IQSEC3: variants seen among roughly 807,000 people sequenced by gnomAD.
IQSEC3 encodes the protein IQ motif and Sec7 domain ArfGEF 3, also known as IQ motif and SEC7 domain-containing protein 3.
IQSEC3 carries 50 observed loss-of-function variants against 105.4 expected under a neutral mutation model. The observed-to-expected ratio is 0.47, with a 90% confidence interval of 0.38 to 0.60. IQSEC3 has a LOEUF of 0.60. Ranked by LOEUF, IQSEC3 falls within the 20% of genes least tolerant of loss-of-function variation. The pLI is 0.00. For missense variants in IQSEC3, 1,415 were observed against 1,630.0 expected, an observed-to-expected ratio of 0.87 and a Z score of 2.27; for synonymous variants, 708 against 746.0, an observed-to-expected ratio of 0.95 and a Z score of 0.83.
At chr12:112,491 C>T (rs192654801) in intron 2 of IQSEC3, among the ~76,000 whole-genome samples, 218 of 152,226 alleles carry the variant, frequency 1.4e-3, no homozygotes, top group Middle Eastern at 6.8e-3. Context: ...TGTCGTGTGA[C>T]CTAGAAGCTT....
In IQSEC3 at chr12:73,785, C is replaced by T. The variant is rs1183074891; in HGVS notation, c.554+6349C>T. On this transcript the variant is annotated intron_variant, in intron 1 of 13. Coordinates refer to ENST00000538872, the MANE Select transcript of IQSEC3 (RefSeq NM_001170738.2). The stretch of plus-strand genomic sequence containing the variant: ...GAATGCAGGCTCAGGGTTTCTTCTA[C>T]ACTGCCAGGCCACCTTTCTACATGT... Among the ~76,000 whole-genome samples the T allele has an allele frequency of 2.0e-5, 3 of 152,280 alleles. No homozygotes were observed. In the East Asian group the frequency reaches 5.8e-4, roughly 29 times the overall value.
chr12:135,044 C>G (rs932520483), intron 3 of IQSEC3, among the ~76,000 whole-genome samples: 1 of 152,146 alleles, frequency 6.6e-6, no homozygotes, highest in African/African-American at 2.4e-5. Flanking sequence ...GCAGGAGAAT[C>G]GCTTGAACCC....
At chr12:91,488 A>G (rs1864083760) in intron 1 of IQSEC3, among the ~76,000 whole-genome samples, 1 of 152,158 alleles carries the variant, frequency 6.6e-6, no homozygotes, top group Non-Finnish European at 1.5e-5. Context: ...TTTAAGAAAC[A>G]GGGAGGCCCA....
intron 5 of IQSEC3, among the ~76,000 whole-genome samples, chr12:153,749 G>A (rs1393663343): frequency 2.0e-5 from 3 of 152,090 alleles, no homozygotes; most frequent in Non-Finnish European, 4.4e-5. Flanking sequence ...AAGCAGCCCC[G>A]ATAGCCAGGT....
intron 8 of IQSEC3, among the ~76,000 whole-genome samples, chr12:162,599 C>T (rs1477535567): frequency 6.6e-6 from 1 of 152,202 alleles, no homozygotes; most frequent in Admixed American, 6.5e-5. Flanking sequence ...TCCTCCTCCT[C>T]ATATTCTTGC....
intron 2 of IQSEC3, 99 bp downstream of exon 2, chr12:99,313 G>A: frequency 9.2e-7 from 1 of 1,083,048 alleles, no homozygotes; most frequent in Non-Finnish European, 1.3e-6. Context: ...TCCTCCTCTT[G>A]AGTCTCATGT....
At chr12:137,248 G>A (rs537492663) in intron 3 of IQSEC3, among the ~76,000 whole-genome samples, 142 of 152,328 alleles carry the variant, frequency 9.3e-4, no homozygotes, top group African/African-American at 2.7e-3. Context: ...CCCTTCTGAT[G>A]TTCCCAGGGA....
At chr12:76,426 G>C (rs1485041360) in intron 1 of IQSEC3, among the ~76,000 whole-genome samples, 1 of 152,264 alleles carries the variant, frequency 6.6e-6, no homozygotes, top group Non-Finnish European at 1.5e-5. Flanking sequence ...GGGGGAGTTG[G>C]AGGACAACCC....
chr12:66,826 C>T lies in IQSEC3; in HGVS notation c.-57C>T. 7.5e-7 allele frequency: 1 copy of T among 1,331,834 alleles called. No individual in the cohort carries two copies. Among genetic ancestry groups the T allele is most frequent in the Non-Finnish European group, 9.5e-7 (1 of 1,047,350 alleles). 82.5% of individuals were successfully genotyped at this position (1,331,834 alleles called of 1,614,324 possible). A position where few individuals can be genotyped will look rare whatever the true frequency, so the allele number is the denominator to read the frequency against. ...CGCTGGGCTGCTGGGCTCCCGCGCC[C>T]TCGCGCTCCCCGCCGCCAGCCCAGG... On this transcript the variant is annotated 5_prime_UTR_variant, in exon 1 of 14. Coordinates refer to ENST00000538872, the MANE Select transcript of IQSEC3 (RefSeq NM_001170738.2).
intron 7 of IQSEC3, 115 bp from the exon 8 acceptor site, chr12:161,811 C>G: frequency 9.2e-7 from 1 of 1,087,428 alleles, no homozygotes; most frequent in Non-Finnish European, 1.3e-6. Context: ...TGGCAAGAAC[C>G]AAGGCCACCC....
chr12:128,125 A>C (rs1430068720), intron 3 of IQSEC3, among the ~76,000 whole-genome samples: 2 of 152,034 alleles, frequency 1.3e-5, no homozygotes, highest in Non-Finnish European at 2.9e-5. Context: ...TACTTGCTTT[A>C]GGTACCTCTT....
At chr12:109,623 C>G (rs1864810997) in intron 2 of IQSEC3, among the ~76,000 whole-genome samples, 1 of 152,146 alleles carries the variant, frequency 6.6e-6, no homozygotes, top group Non-Finnish European at 1.5e-5. Flanking sequence ...TCACTTGCAT[C>G]CCCCAGTTCC....
At chr12:127,087 G>C (rs1289558059) in intron 3 of IQSEC3, among the ~76,000 whole-genome samples, 1 of 152,196 alleles carries the variant, frequency 6.6e-6, no homozygotes, top group Non-Finnish European at 1.5e-5. Flanking sequence ...AAATCCCAGG[G>C]AGTTGAGTGG....
At position 138,158 on chromosome 12, in the gene IQSEC3, C is replaced by T. The variant is rs371064454; in HGVS notation, c.904-109C>T. On this transcript the variant is annotated intron_variant, in intron 3 of 13. Coordinates refer to ENST00000538872, the MANE Select transcript of IQSEC3 (RefSeq NM_001170738.2). This position sits in a 1 kb window ranked among gnomAD's most constrained non-coding sequence, Gnocchi z 7.1. ...CCCAGGAGCGCCCCCCCGCCCCCGT[C>T]CATTCCTGGGCCCCACCCGAGTGTG... 1,243 of 1,020,030 alleles carry T rather than the reference C, an allele frequency of 1.2e-3. 5 individuals are homozygous for T. In the African/African-American group the frequency reaches 0.016, roughly 13 times the overall value. The allele number at this position is 1,020,030 out of a possible 1,614,324, so 63.2% of individuals were successfully genotyped here. A position where few individuals can be genotyped will look rare whatever the true frequency, so the allele number is the denominator to read the frequency against.
At chr12:90,565 C>T (rs1555073124) in intron 1 of IQSEC3, among the ~76,000 whole-genome samples, 1 of 150,602 alleles carries the variant, frequency 6.6e-6, no homozygotes, top group East Asian at 1.9e-4. Context: ...TGTTTCAGCA[C>T]TATCTGTTAA....
At chr12:79,777 C>T (rs1863682523) in intron 1 of IQSEC3, among the ~76,000 whole-genome samples, 1 of 152,148 alleles carries the variant, frequency 6.6e-6, no homozygotes, top group South Asian at 2.1e-4. Context: ...TGAAAAGCAT[C>T]GCCCCCATCC....
chr12:147,773 T>C (rs2137021753), intron 5 of IQSEC3: 1 of 152,294 alleles, frequency 6.6e-6, no homozygotes, highest in Non-Finnish European at 1.5e-5. Context: ...CGTTATTTGC[T>C]ATGCCCCGAT....
At chr12:82,433 G>T (rs1863776220) in intron 1 of IQSEC3, among the ~76,000 whole-genome samples, 1 of 152,186 alleles carries the variant, frequency 6.6e-6, no homozygotes, top group Non-Finnish European at 1.5e-5. Context: ...GCAAAGAAAT[G>T]GGGTGACCGC....
In IQSEC3 at chr12:165,781, G is replaced by T; in HGVS notation, c.2862G>T (p.Lys954Asn). Residue 954 changes from lysine to asparagine, a missense_variant, in exon 11 of 14, where the codon AAG (lysine) becomes AAT (asparagine). Transcript: ENST00000538872. ...CCCCGCTCTCGGGCTCCGAGAAGAA[G>T]CAGGTGCTGCATTTCTGTGCCCTGG... is the stretch of plus-strand genomic sequence containing the variant. ...LVTPLSGSEK[K>N]QVLHFCALGS... 1 of 1,614,034 alleles carries T rather than the reference G, an allele frequency of 6.2e-7. No homozygotes were observed. The highest frequency in any genetic ancestry group is 8.5e-7 in the Non-Finnish European group (1 of 1,180,042).
Sources: gnomAD v4.1 joint callset for allele counts (sites outside exome capture counted in the v4.1 genomes callset) on GRCh38, gnomAD v4.1.1 for gene constraint, Gnocchi (gnomAD v3.1) non-coding constraint, MANE v1.5 for transcripts, NCBI Gene and HGNC (gene_info 2026-07-23, HGNC 2026-07-21) for gene names.